The following MMS22L variants were observed in gnomAD, a reference collection of about 807,000 sequenced individuals.
The protein encoded by MMS22L is protein MMS22-like.
In MMS22L, 74 loss-of-function variants were observed where a neutral mutation model predicts 159.1. That is an observed-to-expected ratio of 0.47 (90% CI 0.39 to 0.56). The LOEUF (loss-of-function observed/expected upper bound fraction) is 0.56, where lower values mean the gene tolerates loss of function less well. Ranked by LOEUF, MMS22L falls within the 20% of genes least tolerant of loss-of-function variation. The pLI, the probability that MMS22L is intolerant of heterozygous loss-of-function variation, is 0.00. For synonymous variants in MMS22L, 517 were observed against 506.9 expected, an observed-to-expected ratio of 1.02 and a Z score of -0.27; for missense variants, 1,351 against 1,422.1, an observed-to-expected ratio of 0.95 and a Z score of 0.80.
chr6:97,168,085 G>A lies in MMS22L; in HGVS notation c.2995C>T (p.Pro999Ser). 6.2e-7 allele frequency: 1 copy of A among 1,609,130 alleles called. No homozygotes were observed. Among genetic ancestry groups the A allele is most frequent in the Non-Finnish European group, 8.5e-7 (1 of 1,178,060 alleles). Residue 999 changes from proline (P) to serine (S), a missense_variant, in exon 20 of 25, where the codon CCT becomes TCT. Transcript: ENST00000683635. ...PMLSAIQKSL[P>S]LYLQGMCIVC... is the part of the protein sequence containing the mutation. The stretch of plus-strand genomic sequence containing the variant: ...AGATACTATACCTGGAGATACAAAG[G>A]AAGACTTTTCTGAATTGCTGACAAC...
intron 15 of MMS22L, among the ~76,000 whole-genome samples, chr6:97,183,430 G>A (rs1582506348): frequency 1.3e-5 from 2 of 152,118 alleles, no homozygotes; most frequent in South Asian, 2.1e-4. Flanking sequence ...GGCTGAAGAA[G>A]AACCATGCTG....
At chr6:97,283,054 G>GC (rs2128106476) in intron 1 of MMS22L, 42 bp downstream of exon 1, 1 of 152,454 alleles carries the variant, frequency 6.6e-6, no homozygotes, top group Admixed American at 6.5e-5. Context: ...CCCGGCTGCA[G>GC]CAAGGACCCG....
At position 97,144,123 on chromosome 6, in the gene MMS22L, AAAAAAG is replaced by A. The variant is rs1386716567; in HGVS notation, c.*2677_*2682del. On this transcript the variant is annotated 3_prime_UTR_variant, in exon 25 of 25. Coordinates refer to ENST00000683635, the MANE Select transcript of MMS22L (RefSeq NM_001350599.2). ...ACAACAACAAAAAAAAAAAAAAAAA[AAAAAAG>A]AGAGAGAAAAGCTGGAGTTATCAGT... The A allele has an allele frequency of 9.5e-5, 14 of 147,056 alleles. No individual in the cohort carries two copies. Among genetic ancestry groups the A allele is most frequent in the South Asian group, 2.3e-4 (1 of 4,400 alleles). 9.1% of individuals were successfully genotyped at this position (147,056 alleles called of 1,614,324 possible). A position where few individuals can be genotyped will look rare whatever the true frequency, so the allele number is the denominator to read the frequency against.
At chr6:97,278,786 C>T in intron 4 of MMS22L, 63 bp downstream of exon 4, 1 of 1,335,458 alleles carries the variant, frequency 7.5e-7, no homozygotes, top group East Asian at 2.3e-5. Flanking sequence ...CATCATGGAC[C>T]CATGTGCAAC....
Position 97,172,294 on chromosome 6 carries a change from C to G in MMS22L, c.2839+769G>C, listed in dbSNP as rs150126473. ...TACACATTTTCACATTCGCCTTTAT[C>G]TTTTACAACAAAGATAAAAGGTTTC... On this transcript the variant is annotated intron_variant, in intron 19 of 24. Coordinates refer to ENST00000683635, the MANE Select transcript of MMS22L (RefSeq NM_001350599.2). 3.8e-3 allele frequency among the ~76,000 whole-genome samples: 578 copies of G among 151,992 alleles called. 2 individuals are homozygous for G. Among genetic ancestry groups the G allele is most frequent in the African/African-American group, 0.013 (547 of 41,474 alleles).
chr6:97,144,617 C>T lies in MMS22L; in HGVS notation c.*2189G>A, dbSNP rs1800809769. 1 of 151,954 alleles carries T rather than the reference C, an allele frequency of 6.6e-6. No individual in the cohort carries two copies. The highest frequency in any genetic ancestry group is 6.6e-5 in the Admixed American group (1 of 15,260). The allele number at this position is 151,954 out of a possible 1,614,324, so 9.4% of individuals were successfully genotyped here. ...GTATTACACTGGTAGAAGCAGCAGC[C>T]TCAGAAATTACAGGGTATTTAGGGA... On this transcript the variant is annotated 3_prime_UTR_variant, in exon 25 of 25. Transcript: ENST00000683635.
At chr6:97,242,108 A>C (rs1473452561) in intron 11 of MMS22L, among the ~76,000 whole-genome samples, 5 of 152,302 alleles carry the variant, frequency 3.3e-5, no homozygotes, top group African/African-American at 1.2e-4. Context: ...AATATCTGTT[A>C]AGTCCATTTG....
intron 9 of MMS22L, among the ~76,000 whole-genome samples, chr6:97,255,380 T>A (rs534237298): frequency 6.6e-6 from 1 of 152,116 alleles, no homozygotes; most frequent in African/African-American, 2.4e-5. Flanking sequence ...TAGTATTGAG[T>A]ATTTTTGTAA....
chr6:97,153,650 C>A (rs144968788), intron 22 of MMS22L, among the ~76,000 whole-genome samples: 2 of 152,146 alleles, frequency 1.3e-5, no homozygotes, highest in East Asian at 1.9e-4. Context: ...GAATTACAGG[C>A]GTAAGCCACC....
intron 14 of MMS22L, among the ~76,000 whole-genome samples, chr6:97,212,927 C>T (rs1216407451): frequency 1.3e-5 from 2 of 152,056 alleles, no homozygotes; most frequent in Non-Finnish European, 2.9e-5. Context: ...GAAACAAGAG[C>T]CAAGCCAACT....
chr6:97,187,635 G>T (rs1805391467), intron 14 of MMS22L, among the ~76,000 whole-genome samples: 1 of 151,902 alleles, frequency 6.6e-6, no homozygotes, highest in African/African-American at 2.4e-5. Flanking sequence ...TTATGGAGAA[G>T]ACTTCCTTTA....
intron 16 of MMS22L, 69 bp downstream of exon 16, chr6:97,181,835 T>G: frequency 6.7e-7 from 1 of 1,503,218 alleles, no homozygotes; most frequent in Non-Finnish European, 8.9e-7. Context: ...GTGAAAATTC[T>G]TAGCTTCCTA....
At position 97,186,652 on chromosome 6, in the gene MMS22L, T is replaced by A; in HGVS notation, c.2078A>T (p.Asp693Val). ...AGACTGTACAAATAGGTCCACATTGTCCCTTTGAAGTTCCTGACACAATTG... is the reference window on the plus strand; with the variant it reads ...AGACTGTACAAATAGGTCCACATTGACCCTTTGAAGTTCCTGACACAATTG... ...HQQLCQELQR[D>V]NVDLFVQSSL... The change falls in exon 15 of 25, where the codon GAC (aspartate) becomes GTC (valine). Residue 693 changes from aspartate (D) to valine (V), a missense_variant. Physicochemically the swap from Asp to Val is radical, Grantham distance 152. Transcript: ENST00000683635. 1 of 1,583,294 alleles carries A rather than the reference T, an allele frequency of 6.3e-7. No individual in the cohort carries two copies. The highest frequency in any genetic ancestry group is 8.6e-7 in the Non-Finnish European group (1 of 1,166,538).
At chr6:97,224,206 A>C (rs1283376068) in intron 14 of MMS22L, among the ~76,000 whole-genome samples, 1 of 152,144 alleles carries the variant, frequency 6.6e-6, no homozygotes, top group Non-Finnish European at 1.5e-5. Context: ...AGTTACAAGA[A>C]ACTCTTCCTA....
intron 15 of MMS22L, among the ~76,000 whole-genome samples, chr6:97,183,096 A>T (rs1386400460): frequency 1.2e-4 from 18 of 152,194 alleles, no homozygotes; most frequent in Non-Finnish European, 4.4e-5. Flanking sequence ...AGTAACTACA[A>T]TCTCAGTAAT....
At chr6:97,270,712 A>G (rs116092475) in intron 6 of MMS22L, 1 of 152,870 alleles carries the variant, frequency 6.5e-6, no homozygotes, top group African/African-American at 2.4e-5. Flanking sequence ...CACTGACAAA[A>G]CAATATTGGG....
chr6:97,212,441 A>T (rs889222647), intron 14 of MMS22L, among the ~76,000 whole-genome samples: 2 of 152,198 alleles, frequency 1.3e-5, no homozygotes, highest in African/African-American at 4.8e-5. Flanking sequence ...GCCCTAAAAA[A>T]TCTTAATTTA....
chr6:97,187,289 C>G (rs1805350377), intron 14 of MMS22L, among the ~76,000 whole-genome samples: 1 of 152,128 alleles, frequency 6.6e-6, no homozygotes, highest in East Asian at 1.9e-4. Context: ...TAATTCGATA[C>G]TGCCTCAAAT....
rs185978013 is a variant in MMS22L, at chr6:97,148,227, C to T, written c.3651-1340G>A. Among the ~76,000 whole-genome samples the T allele has an allele frequency of 2.4e-4, 37 of 152,306 alleles. No homozygotes were observed. In the East Asian group the frequency reaches 4.8e-3, roughly 20 times the overall value. ...CTGTCAGTCATATAAAAGTCTAGCA[C>T]ACACAACTATACATAGTATATAATA... On this transcript the variant is annotated intron_variant, in intron 24 of 24. Coordinates refer to ENST00000683635, the MANE Select transcript of MMS22L (RefSeq NM_001350599.2).
Sources: allele counts gnomAD v4.1 joint callset (sites outside exome capture counted in the v4.1 genomes callset), GRCh38; gene constraint gnomAD v4.1.1; transcripts MANE v1.5; gene names NCBI Gene and HGNC (gene_info 2026-07-23, HGNC 2026-07-21).